The following GALNT17 variants were observed in gnomAD, a reference collection of about 807,000 sequenced individuals.
GALNT17 encodes the protein UDP-GalNAc:polypeptide N-acetylgalactosaminyltransferase-like 3.
A neutral mutation model predicts 63.7 loss-of-function variants in GALNT17; 29 were observed. That is an observed-to-expected ratio of 0.46 (90% CI 0.34 to 0.62). The LOEUF is 0.62. GALNT17 is among the 20% of genes least tolerant of loss of function. The pLI, the probability that GALNT17 is intolerant of heterozygous loss-of-function variation, is 0.01. For missense variants in GALNT17, 603 were observed against 799.6 expected (o/e 0.75, Z 2.97); for synonymous variants, 305 against 318.3 (o/e 0.96, Z 0.45).
chr7:71,176,787 A>G (rs1788646780), intron 1 of GALNT17, among the ~76,000 whole-genome samples: 1 of 152,152 alleles, frequency 6.6e-6, no homozygotes, highest in Non-Finnish European at 1.5e-5. Context: ...TGTGGCCTTC[A>G]GTATTTGCTT....
chr7:71,386,249 A>G (rs1048276607), intron 2 of GALNT17, among the ~76,000 whole-genome samples: 1 of 152,222 alleles, frequency 6.6e-6, no homozygotes, highest in African/African-American at 2.4e-5. Context: ...AAAATTGCCT[A>G]CATGATTAAT....
intron 2 of GALNT17, among the ~76,000 whole-genome samples, chr7:71,374,652 T>C (rs1410819998): frequency 1.3e-5 from 2 of 152,018 alleles, no homozygotes; most frequent in African/African-American, 4.8e-5. Flanking sequence ...AGGTGAAGGA[T>C]TGGGCTATGA....
intron 9 of GALNT17, chr7:71,685,589 G>C (rs1791340473): frequency 6.6e-6 from 1 of 152,130 alleles, no homozygotes; most frequent in Non-Finnish European, 1.5e-5. Flanking sequence ...TCCTCTATTG[G>C]GGATGGTCAT....
At chr7:71,183,671 T>G (rs1042683399) in intron 1 of GALNT17, among the ~76,000 whole-genome samples, 6 of 151,926 alleles carry the variant, frequency 3.9e-5, no homozygotes, top group Non-Finnish European at 4.4e-5. Flanking sequence ...CCAAGATGGG[T>G]GGATCACCTG....
intron 9 of GALNT17, among the ~76,000 whole-genome samples, chr7:71,697,739 A>C (rs1791565709): frequency 6.6e-6 from 1 of 152,200 alleles, no homozygotes; most frequent in African/African-American, 2.4e-5. Flanking sequence ...TACATTAGAT[A>C]CTTTGAAGGG....
chr7:71,243,624 C>T (rs1006000688), intron 1 of GALNT17, among the ~76,000 whole-genome samples: 1 of 152,054 alleles, frequency 6.6e-6, no homozygotes, highest in African/African-American at 2.4e-5. Flanking sequence ...AGGCTGGACT[C>T]AAACTCCTGA....
chr7:71,208,027 CT>C (rs1389682935), intron 1 of GALNT17, among the ~76,000 whole-genome samples: 2 of 151,470 alleles, frequency 1.3e-5, no homozygotes, highest in Non-Finnish European at 2.9e-5. Flanking sequence ...CTCGACCCCC[CT>C]GGGCGCAAGT....
At chr7:71,235,266 A>G (rs1393130882) in intron 1 of GALNT17, among the ~76,000 whole-genome samples, 1 of 151,842 alleles carries the variant, frequency 6.6e-6, no homozygotes. Context: ...AAAAAAAAAA[A>G]AATTTGGTCT....
chr7:71,292,944 G>A (rs113479888), intron 1 of GALNT17, among the ~76,000 whole-genome samples: 52 of 152,040 alleles, frequency 3.4e-4, no homozygotes, highest in African/African-American at 1.1e-3. Flanking sequence ...GAGATCATGC[G>A]GTACTTTTAT....
intron 1 of GALNT17, chr7:71,300,650 C>T: frequency 4.6e-6 from 1 of 219,094 alleles, no homozygotes; most frequent in Admixed American, 5.7e-5. Context: ...CAACATGCTG[C>T]TAGGAAAAAT....
intron 5 of GALNT17, among the ~76,000 whole-genome samples, chr7:71,458,047 C>G (rs948120784): frequency 3.3e-5 from 5 of 152,104 alleles, no homozygotes; most frequent in African/African-American, 1.2e-4. Context: ...GCGCTCTGTT[C>G]TCTCCAATCC....
rs368910319 is a variant in GALNT17 at position 71,350,623 on chromosome 7, T to C, written c.422+14890T>C. On this transcript the variant is annotated intron_variant, in intron 2 of 10. Coordinates refer to ENST00000333538, the MANE Select transcript of GALNT17 (RefSeq NM_022479.3). ...TTACATATTATAAGTAATCTAGAGA[T>C]TATTTAAAGTATCCAGGAGATGTGA... Among the ~76,000 whole-genome samples the C allele has an allele frequency of 5.9e-5, 9 of 152,252 alleles. No individual in the cohort carries two copies. In the East Asian group the frequency reaches 9.7e-4, roughly 16 times the overall value.
In GALNT17 at chr7:71,420,573, C is replaced by T. The variant is rs142150899; in HGVS notation, c.765-335C>T. 2.0e-3 allele frequency among the ~76,000 whole-genome samples: 300 copies of T among 152,284 alleles called. 3 individuals are homozygous for T. Among genetic ancestry groups the T allele is most frequent in the Non-Finnish European group, 3.8e-3 (259 of 68,030 alleles). ...CATGCAATGTGAATCATGGAGTCCA[C>T]CGTCAGTATGAGAAGTGAGACTTGG... On this transcript the variant is annotated intron_variant, in intron 4 of 10. Transcript: ENST00000333538.
Position 71,376,082 on chromosome 7 carries a change from A to AAAAAAGAAAAAG in GALNT17, c.423-12141_423-12130dup, listed in dbSNP as rs60856037. Among the ~76,000 whole-genome samples the AAAAAAGAAAAAG allele has an allele frequency of 2.6e-3, 370 of 143,762 alleles. 1 individual carries two copies. The highest frequency in any genetic ancestry group is 8.7e-3 in the African/African-American group (344 of 39,370). 94.3% of individuals were successfully genotyped at this position (143,762 alleles called of 152,430 possible). A position where few individuals can be genotyped will look rare whatever the true frequency, so the allele number is the denominator to read the frequency against. On this transcript the variant is annotated intron_variant, in intron 2 of 10. Transcript: ENST00000333538. ...CCATAGCGTGAGACTCCATCTCCAA[A>AAAAAAGAAAAAG]AAAAAGAAAAAGAAAAAGAAAAAAA... is the stretch of plus-strand genomic sequence containing the variant.
intron 1 of GALNT17, among the ~76,000 whole-genome samples, chr7:71,200,460 T>C (rs1299022667): frequency 6.6e-6 from 1 of 152,156 alleles, no homozygotes; most frequent in Admixed American, 6.5e-5. Context: ...TGTCCACTGG[T>C]GTAAATGGTT....
intron 5 of GALNT17, among the ~76,000 whole-genome samples, chr7:71,436,011 C>T (rs1282993707): frequency 7.8e-6 from 1 of 128,926 alleles, no homozygotes; most frequent in Non-Finnish European, 1.7e-5. Flanking sequence ...CAGAACGAGA[C>T]TCCTTCTCAA....
intron 3 of GALNT17, among the ~76,000 whole-genome samples, chr7:71,408,031 T>C (rs1158441292): frequency 6.6e-6 from 1 of 152,162 alleles, no homozygotes; most frequent in African/African-American, 2.4e-5. Context: ...CAGTGAATTG[T>C]ATATTGTAAA....
chr7:71,305,813 C>G (rs1299515068), intron 1 of GALNT17, among the ~76,000 whole-genome samples: 2 of 152,150 alleles, frequency 1.3e-5, no homozygotes, highest in Non-Finnish European at 2.9e-5. Flanking sequence ...GAAGACTCTT[C>G]CTCTGACATC....
At chr7:71,199,130 T>G (rs1227642466) in intron 1 of GALNT17, among the ~76,000 whole-genome samples, 4 of 152,186 alleles carry the variant, frequency 2.6e-5, no homozygotes, top group Non-Finnish European at 5.9e-5. Flanking sequence ...AATGACTCAT[T>G]TAAGCACTTC....
Sources: gnomAD v4.1 joint callset for allele counts (sites outside exome capture counted in the v4.1 genomes callset) on GRCh38, gnomAD v4.1.1 for gene constraint, MANE v1.5 for transcripts, NCBI Gene and HGNC (gene_info 2026-07-23, HGNC 2026-07-21) for gene names.